Variants in ANTXR2 observed in about 807,000 individuals in gnomAD.
The protein encoded by ANTXR2 is ANTXR cell adhesion molecule 2, also known as anthrax toxin receptor 2.
ANTXR2 carries 44 observed loss-of-function variants against 73.7 expected under a neutral mutation model. That is an observed-to-expected ratio of 0.60 (90% CI 0.47 to 0.77). The LOEUF (loss-of-function observed/expected upper bound fraction) is 0.77. Among genes scored for constraint, ANTXR2 ranks in the 30% least tolerant of loss-of-function variants. The pLI is 0.00. For synonymous variants in ANTXR2, 217 were observed against 205.9 expected (o/e 1.05, Z -0.46); for missense variants, 604 against 592.5 (o/e 1.02, Z -0.20).
chr4:79,988,229 T>TTATATATA (rs70944756), intron 12 of ANTXR2, among the ~76,000 whole-genome samples: 23 of 68,134 alleles, frequency 3.4e-4, no homozygotes, highest in Non-Finnish European at 4.8e-4. Flanking sequence ...CACATAAATT[T>TTATATATA]TATATATATA....
In ANTXR2 at chr4:79,910,531, A is replaced by G. The variant is rs28552405; in HGVS notation, c.1429-3064T>C. ...TCAAAAAAAAAAAAAAAGAAAAAAA[A>G]GAAAAAAAAAAAGAAAACAAAAACA... On this transcript the variant is annotated intron_variant, in intron 16 of 16. Transcript: ENST00000403729. Among the ~76,000 whole-genome samples, 21 of 110,068 alleles carry G rather than the reference A, an allele frequency of 1.9e-4. No homozygotes were observed. The Admixed American group carries it at 1.9e-3, about 10-fold the overall frequency. 72.2% of individuals were successfully genotyped at this position (110,068 alleles called of 152,430 possible).
At chr4:79,925,471 T>C (rs538996166) in intron 16 of ANTXR2, among the ~76,000 whole-genome samples, 7 of 152,200 alleles carry the variant, frequency 4.6e-5, no homozygotes, top group South Asian at 2.1e-4. Context: ...GCTAACACCA[T>C]GTAAATGTAT....
At chr4:80,001,399 T>C (rs1301601049) in intron 12 of ANTXR2, among the ~76,000 whole-genome samples, 1 of 148,422 alleles carries the variant, frequency 6.7e-6, no homozygotes, top group East Asian at 2.1e-4. Flanking sequence ...TCCCACATTC[T>C]GAGTAAACTA....
intron 16 of ANTXR2, among the ~76,000 whole-genome samples, chr4:79,912,592 G>A (rs1044718507): frequency 3.3e-5 from 5 of 152,002 alleles, no homozygotes; most frequent in Non-Finnish European, 5.9e-5. Context: ...AGTTAAAATT[G>A]TCAAAAACTA....
chr4:80,029,622 AT>A (rs1376433770), intron 10 of ANTXR2, among the ~76,000 whole-genome samples: 2 of 151,944 alleles, frequency 1.3e-5, no homozygotes, highest in Non-Finnish European at 2.9e-5. Context: ...CAGACAAACA[AT>A]TGGCTTTGGA....
At chr4:79,958,531 T>C (rs1729011379) in intron 16 of ANTXR2, among the ~76,000 whole-genome samples, 1 of 152,134 alleles carries the variant, frequency 6.6e-6, no homozygotes, top group African/African-American at 2.4e-5. Context: ...CCTCACATCT[T>C]TTCAATCTCT....
intron 16 of ANTXR2, among the ~76,000 whole-genome samples, chr4:79,926,989 A>ATG (rs34062692): frequency 0.14 from 20,062 of 145,872 alleles, 2,695 homozygotes; most frequent in African/African-American, 0.33. Flanking sequence ...GTGTGCATAT[A>ATG]TGTGTATATA....
At chr4:79,950,911 T>G (rs1728678127) in intron 16 of ANTXR2, among the ~76,000 whole-genome samples, 1 of 152,126 alleles carries the variant, frequency 6.6e-6, no homozygotes, top group African/African-American at 2.4e-5. Context: ...TAGCTCCACA[T>G]AGTAATCAAG....
intron 7 of ANTXR2, among the ~76,000 whole-genome samples, chr4:80,044,239 C>G (rs1216566473): frequency 6.6e-6 from 1 of 151,844 alleles, no homozygotes; most frequent in African/African-American, 2.4e-5. Flanking sequence ...TTGTGAGAAC[C>G]TTGACTTAAT....
At chr4:79,958,949 T>C (rs1044489885) in intron 16 of ANTXR2, among the ~76,000 whole-genome samples, 7 of 152,084 alleles carry the variant, frequency 4.6e-5, no homozygotes, top group African/African-American at 1.4e-4. Context: ...AAATATATGA[T>C]TTGGCTAGGA....
chr4:79,948,849 T>A (rs1429540883), intron 16 of ANTXR2, among the ~76,000 whole-genome samples: 1 of 152,138 alleles, frequency 6.6e-6, no homozygotes. Context: ...ACCTAGATCT[T>A]TGAATTAAAG....
chr4:79,979,456 G>A (rs983583289), intron 14 of ANTXR2, among the ~76,000 whole-genome samples: 1 of 152,052 alleles, frequency 6.6e-6, no homozygotes, highest in Non-Finnish European at 1.5e-5. Flanking sequence ...CTGAATTAGT[G>A]GGTAGGGATA....
At chr4:79,915,273 A>G (rs1222956605) in intron 16 of ANTXR2, among the ~76,000 whole-genome samples, 1 of 151,944 alleles carries the variant, frequency 6.6e-6, no homozygotes, top group Admixed American at 6.6e-5. Context: ...AGAGACCCCA[A>G]CTCCACTGCA....
At chr4:79,956,171 T>C (rs974448664) in intron 16 of ANTXR2, among the ~76,000 whole-genome samples, 1 of 152,196 alleles carries the variant, frequency 6.6e-6, no homozygotes, top group African/African-American at 2.4e-5. Context: ...ATATTATTTA[T>C]AGATGCCTAT....
At chr4:79,914,002 A>G (rs1053594076) in intron 16 of ANTXR2, among the ~76,000 whole-genome samples, 1 of 152,104 alleles carries the variant, frequency 6.6e-6, no homozygotes, top group African/African-American at 2.4e-5. Context: ...TATAGACTTG[A>G]TTTCTTTTCT....
chr4:80,061,550 C>A (rs929061500), intron 3 of ANTXR2, among the ~76,000 whole-genome samples: 1 of 151,846 alleles, frequency 6.6e-6, no homozygotes, highest in Non-Finnish European at 1.5e-5. Flanking sequence ...GATAATTAGC[C>A]AATTACACAG....
chr4:80,053,231 T>C (rs59179985), intron 7 of ANTXR2, among the ~76,000 whole-genome samples: 21,506 of 151,566 alleles, frequency 0.14, 2,802 homozygotes, highest in East Asian at 0.71. Context: ...ATTTTTACAC[T>C]GCAACTATTC....
At chr4:80,045,333 T>A (rs1306678927) in intron 7 of ANTXR2, among the ~76,000 whole-genome samples, 1 of 151,824 alleles carries the variant, frequency 6.6e-6, no homozygotes, top group Non-Finnish European at 1.5e-5. Flanking sequence ...TTTCTTCATA[T>A]ATACATTCAC....
intron 3 of ANTXR2, among the ~76,000 whole-genome samples, chr4:80,062,811 G>T (rs1292089806): frequency 6.6e-6 from 1 of 152,184 alleles, no homozygotes; most frequent in Middle Eastern, 3.2e-3. Flanking sequence ...AGGCCTGGGT[G>T]TGAACCCTGG....
Sources: allele counts gnomAD v4.1 joint callset (sites outside exome capture counted in the v4.1 genomes callset), GRCh38; gene constraint gnomAD v4.1.1; transcripts MANE v1.5; gene names NCBI Gene and HGNC (gene_info 2026-07-23, HGNC 2026-07-21).